The following MCEE variants were observed in gnomAD, a reference collection of about 807,000 sequenced individuals.
MCEE encodes the protein methylmalonyl-CoA epimerase.
MCEE carries 6 observed loss-of-function variants against 12.9 expected under a neutral mutation model. The ratio of observed to expected loss-of-function variants is 0.47; its 90% confidence interval spans 0.26 to 0.92. The LOEUF is 0.92. MCEE is among the 40% of genes least tolerant of loss of function. The pLI is 0.16. For missense variants in MCEE, 214 were observed against 212.1 expected (o/e 1.01, Z -0.05); for synonymous variants, 78 against 77.9 (o/e 1.00, Z -0.01).
chr2:71,110,575 A>C (rs1158024321), intron 2 of MCEE, among the ~76,000 whole-genome samples: 1 of 152,198 alleles, frequency 6.6e-6, no homozygotes, highest in African/African-American at 2.4e-5. Flanking sequence ...GGTACTTAGC[A>C]AATATGAGTG....
rs564639717 is a variant in MCEE, at chr2:71,112,783, A to G, written c.379-2661T>C. Among the ~76,000 whole-genome samples, 3 of 152,286 alleles carry G rather than the reference A, an allele frequency of 2.0e-5. No homozygotes were observed. The South Asian group carries it at 6.2e-4, about 32-fold the overall frequency. On this transcript the variant is annotated intron_variant, in intron 2 of 2. Transcript: ENST00000244217. ...CTACTTGGGGTTGCTGACTTTCTTGAAACCATAGAGTGATGTTTTACATCA... is the reference window on the plus strand; with the variant it reads ...CTACTTGGGGTTGCTGACTTTCTTGGAACCATAGAGTGATGTTTTACATCA...
chr2:71,114,072 C>A (rs182930944), intron 2 of MCEE, among the ~76,000 whole-genome samples: 73 of 151,778 alleles, frequency 4.8e-4, no homozygotes, highest in African/African-American at 1.7e-3. Context: ...GAAAGGAGAT[C>A]CTAGAAAAAG....
chr2:71,112,071 T>C (rs1672894943), intron 2 of MCEE, among the ~76,000 whole-genome samples: 1 of 152,208 alleles, frequency 6.6e-6, no homozygotes, highest in South Asian at 2.1e-4. Context: ...ATGTCTTTTT[T>C]ACTTTGATTG....
chr2:71,127,504 A>C (rs1673260930), intron 1 of MCEE, among the ~76,000 whole-genome samples: 1 of 152,272 alleles, frequency 6.6e-6, no homozygotes, highest in Admixed American at 6.5e-5. Context: ...ATCTCTTAAT[A>C]GTTTTTAAAC....
chr2:71,117,590 G>A (rs1292243549), intron 2 of MCEE: 1 of 150,100 alleles, frequency 6.7e-6, no homozygotes, highest in Non-Finnish European at 1.5e-5. Flanking sequence ...AAAAAGATCT[G>A]CAAAACATAT....
At chr2:71,121,799 C>T (rs1673105614) in intron 2 of MCEE, among the ~76,000 whole-genome samples, 1 of 152,058 alleles carries the variant, frequency 6.6e-6, no homozygotes, top group Non-Finnish European at 1.5e-5. Flanking sequence ...AAAGTAACTC[C>T]CTAAAAATAA....
At chr2:71,113,838 C>G (rs1410573428) in intron 2 of MCEE, among the ~76,000 whole-genome samples, 3 of 152,132 alleles carry the variant, frequency 2.0e-5, no homozygotes, top group Non-Finnish European at 4.4e-5. Flanking sequence ...CCTGACAACA[C>G]CTCCTCACCT....
chr2:71,110,549 A>G (rs1358229162), intron 2 of MCEE, among the ~76,000 whole-genome samples: 1 of 152,196 alleles, frequency 6.6e-6, no homozygotes, highest in African/African-American at 2.4e-5. Flanking sequence ...CTTTCAGTAC[A>G]GTTTATGGCA....
intron 1 of MCEE, among the ~76,000 whole-genome samples, chr2:71,126,568 CAAAAAAAA>C (rs70959207): frequency 8.3e-5 from 6 of 72,140 alleles, no homozygotes; most frequent in Admixed American, 1.9e-4. Context: ...TACATTTTAC[CAAAAAAAA>C]AAAAAAAAAA....
At chr2:71,116,957 C>T (rs1673007939) in intron 2 of MCEE, 1 of 150,564 alleles carries the variant, frequency 6.6e-6, no homozygotes, top group Non-Finnish European at 1.5e-5. Context: ...TAACTCTAAC[C>T]TTAAGGTATG....
chr2:71,120,313 G>T (rs1673074192), intron 2 of MCEE, among the ~76,000 whole-genome samples: 1 of 150,070 alleles, frequency 6.7e-6, no homozygotes, highest in Admixed American at 6.6e-5. Context: ...TCAAGCAGAG[G>T]CACGCAGAAG....
At chr2:71,126,314 A>C (rs953142572) in intron 1 of MCEE, among the ~76,000 whole-genome samples, 9 of 147,620 alleles carry the variant, frequency 6.1e-5, no homozygotes, top group African/African-American at 2.3e-4. Flanking sequence ...TGCAACCTCC[A>C]CCTTCCGGGT....
chr2:71,113,957 A>T (rs1319314731), intron 2 of MCEE, among the ~76,000 whole-genome samples: 1 of 152,242 alleles, frequency 6.6e-6, no homozygotes, highest in Non-Finnish European at 1.5e-5. Flanking sequence ...CAAAATCAAT[A>T]ACATGAGTCT....
chr2:71,127,545 C>A (rs1270064933), intron 1 of MCEE, among the ~76,000 whole-genome samples: 1 of 152,238 alleles, frequency 6.6e-6, no homozygotes, highest in African/African-American at 2.4e-5. Context: ...ATAAAGTTCA[C>A]CCATTTGAAG....
At position 71,120,166 on chromosome 2, in the gene MCEE, C is replaced by T. The variant is rs559511928; in HGVS notation, c.378+4040G>A. 1.1e-3 allele frequency among the ~76,000 whole-genome samples: 166 copies of T among 150,402 alleles called. 14 individuals carry two copies. Among genetic ancestry groups the T allele is most frequent in the African/African-American group, 4.1e-3 (165 of 39,784 alleles). On this transcript the variant is annotated intron_variant, in intron 2 of 2. Coordinates refer to ENST00000244217, the MANE Select transcript of MCEE (RefSeq NM_032601.4). Reference sequence around the variant, plus strand: ...AGAGCAGCAGCTGTTTACCAACCAACACGGAAGCATTTAAATATTTTTACA... The same window carrying T: ...AGAGCAGCAGCTGTTTACCAACCAATACGGAAGCATTTAAATATTTTTACA...
chr2:71,119,267 G>C (rs1673053847), intron 2 of MCEE, among the ~76,000 whole-genome samples: 1 of 150,312 alleles, frequency 6.7e-6, no homozygotes, highest in African/African-American at 2.5e-5. Flanking sequence ...TACACACCTA[G>C]GCTACAGGGT....
At chr2:71,122,391 T>C (rs1202061486) in intron 2 of MCEE, among the ~76,000 whole-genome samples, 1 of 152,194 alleles carries the variant, frequency 6.6e-6, no homozygotes, top group Non-Finnish European at 1.5e-5. Context: ...CACCTTGGCC[T>C]CCCAAAGTGC....
intron 2 of MCEE, among the ~76,000 whole-genome samples, chr2:71,119,875 A>C (rs1673064370): frequency 6.8e-6 from 1 of 147,768 alleles, no homozygotes; most frequent in Non-Finnish European, 1.5e-5. Context: ...GCAATATAGC[A>C]AGAATTTGTC....
At chr2:71,113,739 A>G (rs372197800) in intron 2 of MCEE, among the ~76,000 whole-genome samples, 31 of 152,290 alleles carry the variant, frequency 2.0e-4, no homozygotes, top group African/African-American at 7.5e-4. Context: ...ATAACTCTCT[A>G]TTCCTTAAGT....
Sources: gnomAD v4.1 joint callset for allele counts (sites outside exome capture counted in the v4.1 genomes callset) on GRCh38, gnomAD v4.1.1 for gene constraint, MANE v1.5 for transcripts, NCBI Gene and HGNC (gene_info 2026-07-23, HGNC 2026-07-21) for gene names.